UTP14A: variants seen among roughly 807,000 people sequenced by gnomAD.
UTP14A encodes U3 small nucleolar RNA-associated protein 14 homolog A.
Under a neutral mutation model 57.2 loss-of-function variants are expected in UTP14A, and 5 were observed. That is an observed-to-expected ratio of 0.09 (90% CI 0.05 to 0.18). The LOEUF is 0.18. Ranked by LOEUF, UTP14A falls within the 10% of genes least tolerant of loss-of-function variation. The probability of loss-of-function intolerance (pLI) is 1.00; values close to 1 mark genes in which losing one functional copy is unlikely to be tolerated. For synonymous variants in UTP14A, 169 were observed against 210.9 expected (o/e 0.80, Z 1.72); for missense variants, 430 against 562.1 (o/e 0.76, Z 2.38).
intron 6 of UTP14A, among the ~76,000 whole-genome samples, chrX:129,914,052 A>C (rs939939236): frequency 3.6e-5 from 4 of 111,912 alleles, no homozygotes; most frequent in Non-Finnish European, 7.5e-5. Flanking sequence ...AGAATAGAAC[A>C]ACCTCTTCAA....
Position 129,920,729 on chromosome X carries a change from A to G in UTP14A, c.931A>G (p.Ile311Val), listed in dbSNP as rs1326970999. The stretch of plus-strand genomic sequence containing the variant: ...TGGGAAATGGGCCAAGTCAAAGGCA[A>G]TTATGGCCAAATATGACCTGGAGGT... ...NSGKWAKSKA[I>V]MAKYDLEARQ... is the part of the protein sequence containing the mutation. Residue 311 changes from isoleucine (I) to valine (V), a missense_variant, in exon 10 of 15, where the codon ATT (isoleucine) becomes GTT (valine). By Grantham distance (29) the Ile-to-Val change is conservative. This residue lies in a region of UTP14A where 83 missense variants were observed against 140.4 expected (regional missense o/e 0.59). Coordinates refer to ENST00000394422, the MANE Select transcript of UTP14A (RefSeq NM_006649.4). 2.5e-6 allele frequency: 3 copies of G among 1,211,769 alleles called. No homozygotes were observed. Among genetic ancestry groups the G allele is most frequent in the Non-Finnish European group, 3.3e-6 (3 of 895,535 alleles).
At position 129,911,748 on chromosome X, in the gene UTP14A, A is replaced by G; in HGVS notation, c.382-18A>G. On this transcript the variant is annotated intron_variant, in intron 5 of 14. Coordinates refer to ENST00000394422, the MANE Select transcript of UTP14A (RefSeq NM_006649.4). ...TAATCTTGTGGCTCTTTCCGTTTAC[A>G]TGCCTTGCCTGCTTCAGATCCACAG... is the stretch of plus-strand genomic sequence containing the variant. 1.7e-6 allele frequency: 2 copies of G among 1,206,723 alleles called. No individual in the cohort carries two copies. The highest frequency in any genetic ancestry group is 2.2e-6 in the Non-Finnish European group (2 of 892,470).
Position 129,929,418 on chromosome X carries a change from C to T in UTP14A, c.2126C>T (p.Thr709Ile). ...IQTPIGSTWN[T>I]QRAFQKLTTP... ...ACCCCCATAGGATCCACATGGAACA[C>T]CCAGAGGGCTTTCCAAAAGCTGACT... is the stretch of plus-strand genomic sequence containing the variant. Residue 709 changes from threonine to isoleucine, a missense_variant, in exon 15 of 15, where the codon ACC becomes ATC. Physicochemically the swap from Thr to Ile is moderately conservative, Grantham distance 89 (BLOSUM62 -1). Transcript: ENST00000394422. 8.3e-7 allele frequency: 1 copy of T among 1,211,777 alleles called. No homozygotes were observed. The highest frequency in any genetic ancestry group is 1.8e-5 in the South Asian group (1 of 56,994).
At chrX:129,911,734 C>G (rs1929477810) in intron 5 of UTP14A, 32 bp from the exon 6 acceptor site, 1 of 1,203,392 alleles carries the variant, frequency 8.3e-7, no homozygotes, top group Non-Finnish European at 1.1e-6. Flanking sequence ...AATCTTGTGG[C>G]TCTTTCCGTT....
intron 12 of UTP14A, 86 bp from the exon 13 acceptor site, chrX:129,925,833 A>G (rs916748768): frequency 5.3e-6 from 6 of 1,125,385 alleles, no homozygotes; most frequent in Non-Finnish European, 7.2e-6. Flanking sequence ...AGGGGGCGCT[A>G]AAATGTCACG....
At chrX:129,923,579 C>T (rs772878137) in intron 11 of UTP14A, among the ~76,000 whole-genome samples, 2 of 111,620 alleles carry the variant, frequency 1.8e-5, no homozygotes, top group African/African-American at 6.5e-5. Context: ...CAAGCCAGCC[C>T]CTCCAGACTC....
chrX:129,915,511 C>T (rs1331456071), intron 6 of UTP14A, among the ~76,000 whole-genome samples: 11 of 81,746 alleles, frequency 1.3e-4, no homozygotes, highest in Non-Finnish European at 2.4e-4. Context: ...GGCGACAGAG[C>T]GAGACTCTGT....
At chrX:129,912,887 G>A (rs775241338) in intron 6 of UTP14A, among the ~76,000 whole-genome samples, 27 of 111,959 alleles carry the variant, frequency 2.4e-4, no homozygotes, top group Non-Finnish European at 2.4e-4. Context: ...CTATTTTAAT[G>A]GTGTTGAAAT....
chrX:129,914,135 A>G (rs184845885), intron 6 of UTP14A, among the ~76,000 whole-genome samples: 15 of 112,119 alleles, frequency 1.3e-4, no homozygotes, highest in African/African-American at 4.8e-4. Context: ...GACTTTTGAG[A>G]AATTATGCTA....
At chrX:129,921,172 A>G (rs931577538) in intron 10 of UTP14A, 22 bp from the exon 11 acceptor site, 3 of 1,185,741 alleles carry the variant, frequency 2.5e-6, no homozygotes, top group Non-Finnish European at 3.4e-6. Flanking sequence ...CAGGGCTCTC[A>G]TGCTGTGACT....
chrX:129,920,249 T>G (rs899092271), intron 8 of UTP14A, among the ~76,000 whole-genome samples: 2 of 111,178 alleles, frequency 1.8e-5, no homozygotes, highest in Non-Finnish European at 3.8e-5. Flanking sequence ...GGAGACTCTT[T>G]GAGCTGCAGA....
At chrX:129,907,564 T>C (rs1929298280) in intron 2 of UTP14A, 122 bp downstream of exon 2, 4 of 568,996 alleles carry the variant, frequency 7.0e-6, no homozygotes, top group Non-Finnish European at 1.1e-5. Context: ...AAATGGTTAG[T>C]GTTTCATATA....
Position 129,920,483 on chromosome X carries a change from A to C in UTP14A, c.779A>C (p.Lys260Thr). The C allele has an allele frequency of 8.2e-7, 1 of 1,212,243 alleles. No homozygotes were observed. Among genetic ancestry groups the C allele is most frequent in the Middle Eastern group, 2.3e-4 (1 of 4,355 alleles). ...TATCACAAAGTCGTGAAGAAAGGAA[A>C]GGCCAAGAAAGCCCTAAAAGAGTTT... Reference protein sequence around the residue: ...KKYHKVVKKGKAKKALKEFEQ... With the variant: ...KKYHKVVKKGTAKKALKEFEQ... Residue 260 changes from lysine to threonine, a missense_variant, in exon 9 of 15, where the codon AAG becomes ACG. Around this residue, in one of 4 missense-constraint regions of UTP14A, gnomAD observed 83 missense variants for 140.4 expected, o/e 0.59. Coordinates refer to ENST00000394422, the MANE Select transcript of UTP14A (RefSeq NM_006649.4).
chrX:129,912,399 G>A (rs73225591), intron 6 of UTP14A, among the ~76,000 whole-genome samples: 8,968 of 109,314 alleles, frequency 0.082, 386 homozygotes, highest in Non-Finnish European at 0.13. Context: ...TGTGATTACG[G>A]GCATGAGCCA....
At chrX:129,921,610 A>C in intron 11 of UTP14A, 23 bp downstream of exon 11, 2 of 1,197,307 alleles carry the variant, frequency 1.7e-6, no homozygotes, top group Non-Finnish European at 1.1e-6. Context: ...CAAATGGAAG[A>C]GGGAAATTCC....
At chrX:129,915,921 C>T (rs942281494) in intron 6 of UTP14A, among the ~76,000 whole-genome samples, 53 of 103,474 alleles carry the variant, frequency 5.1e-4, no homozygotes, top group Non-Finnish European at 4.5e-4. Flanking sequence ...TTCCTTAGTC[C>T]TTTTTATTCT....
chrX:129,920,846 G>A, intron 10 of UTP14A, 94 bp downstream of exon 10: 1 of 1,188,454 alleles, frequency 8.4e-7, no homozygotes, highest in Admixed American at 2.4e-5. Flanking sequence ...TGGAAAACCA[G>A]GAATCTAAAA....
chrX:129,910,652 C>T (rs1416631976), intron 4 of UTP14A, among the ~76,000 whole-genome samples: 1 of 112,401 alleles, frequency 8.9e-6, no homozygotes, highest in Non-Finnish European at 1.9e-5. Context: ...CAGAGTGAGA[C>T]CCTGTCTCAA....
chrX:129,909,350 C>T lies in UTP14A; in HGVS notation c.238+616C>T, dbSNP rs184312379. Among the ~76,000 whole-genome samples the T allele has an allele frequency of 2.4e-3, 262 of 110,078 alleles. 4 individuals are homozygous for T. The East Asian group carries it at 0.056, about 23-fold the overall frequency. ...TCAGCCTCCCGAGTATCTGGGACTACAGGTGCCCGCCACCGCGCCTGGCTA... is the reference window on the plus strand; with the variant it reads ...TCAGCCTCCCGAGTATCTGGGACTATAGGTGCCCGCCACCGCGCCTGGCTA... On this transcript the variant is annotated intron_variant, in intron 4 of 14. Transcript: ENST00000394422.
Sources: gnomAD v4.1 joint callset for allele counts (sites outside exome capture counted in the v4.1 genomes callset) on GRCh38, gnomAD v4.1.1 for gene constraint, gnomAD v4.1.1 regional missense constraint, MANE v1.5 for transcripts, NCBI Gene and HGNC (gene_info 2026-07-23, HGNC 2026-07-21) for gene names.